Variants in ANGPT1 observed in about 807,000 individuals in gnomAD.
ANGPT1 encodes angiopoietin-1.
A neutral mutation model predicts 62.2 loss-of-function variants in ANGPT1; 17 were observed. The ratio of observed to expected loss-of-function variants is 0.27; its 90% CI spans 0.19 to 0.41. The LOEUF (loss-of-function observed/expected upper bound fraction) is 0.41. Ranked by LOEUF, ANGPT1 falls within the 10% of genes least tolerant of loss-of-function variation. The pLI is 1.00. For missense variants in ANGPT1, 478 were observed against 594.9 expected, an observed-to-expected ratio of 0.80 and a Z score of 2.04; for synonymous variants, 199 against 198.9, an observed-to-expected ratio of 1.00 and a Z score of 0.00.
At chr8:107,405,247 T>G (rs1817125370) in intron 1 of ANGPT1, among the ~76,000 whole-genome samples, 1 of 151,938 alleles carries the variant, frequency 6.6e-6, no homozygotes, top group Non-Finnish European at 1.5e-5. Flanking sequence ...TTATTATATG[T>G]AGAGCTATAT....
chr8:107,472,508 A>C (rs1359781925), intron 1 of ANGPT1, among the ~76,000 whole-genome samples: 1 of 152,140 alleles, frequency 6.6e-6, no homozygotes, highest in Non-Finnish European at 1.5e-5. Context: ...TAAGAAAGGT[A>C]CTTAACGTTT....
intron 1 of ANGPT1, among the ~76,000 whole-genome samples, chr8:107,397,889 T>TA (rs1816966638): frequency 6.6e-6 from 1 of 152,134 alleles, no homozygotes; most frequent in African/African-American, 2.4e-5. Context: ...TCAAATGCCC[T>TA]AAAAAACCTA....
chr8:107,264,138 A>T (rs1813559134), intron 8 of ANGPT1, 83 bp downstream of exon 8: 1 of 1,493,288 alleles, frequency 6.7e-7, no homozygotes, highest in Non-Finnish European at 9.0e-7. Flanking sequence ...TGACCATAAG[A>T]TCATACTCCT....
intron 2 of ANGPT1, among the ~76,000 whole-genome samples, chr8:107,339,442 G>A (rs1363432609): frequency 6.6e-6 from 1 of 152,088 alleles, no homozygotes; most frequent in Non-Finnish European, 1.5e-5. Context: ...ATTTGCACTT[G>A]CAGTTTCCTC....
intron 4 of ANGPT1, among the ~76,000 whole-genome samples, chr8:107,305,461 G>C (rs928235513): frequency 9.2e-5 from 14 of 151,902 alleles, no homozygotes; most frequent in African/African-American, 3.1e-4. Context: ...TCAGGAAGAT[G>C]TTGGTGAAGT....
intron 3 of ANGPT1, among the ~76,000 whole-genome samples, chr8:107,326,910 C>T (rs1433046469): frequency 6.6e-6 from 1 of 152,112 alleles, no homozygotes; most frequent in Non-Finnish European, 1.5e-5. Context: ...AGACATCCCA[C>T]TGCTGTGTCA....
At chr8:107,406,042 CTTG>C (rs1817142028) in intron 1 of ANGPT1, among the ~76,000 whole-genome samples, 1 of 151,640 alleles carries the variant, frequency 6.6e-6, no homozygotes, top group Non-Finnish European at 1.5e-5. Flanking sequence ...CTTCTATGTC[CTTG>C]AAATAATAGG....
In ANGPT1 at chr8:107,259,687, T is replaced by C. The variant is rs893160472; in HGVS notation, c.1336+4534A>G. ...ATTTGTTTTTGTTGTTGGCAACCTT[T>C]AATAATTACAGTTTATGAAAGATTT... On this transcript the variant is annotated intron_variant, in intron 8 of 8. Transcript: ENST00000517746. Among the ~76,000 whole-genome samples the C allele has an allele frequency of 3.3e-5, 5 of 152,260 alleles. No homozygotes were observed. In the South Asian group the frequency reaches 6.2e-4, roughly 19 times the overall value.
intron 1 of ANGPT1, among the ~76,000 whole-genome samples, chr8:107,475,864 T>A (rs1812510218): frequency 6.6e-6 from 1 of 152,076 alleles, no homozygotes; most frequent in African/African-American, 2.4e-5. Flanking sequence ...ATCAGAGAAA[T>A]GCAAATCGAA....
At chr8:107,252,379 TAA>T (rs901079389) in intron 8 of ANGPT1, among the ~76,000 whole-genome samples, 23 of 152,156 alleles carry the variant, frequency 1.5e-4, no homozygotes, top group African/African-American at 5.3e-4. Flanking sequence ...CATATACCCA[TAA>T]GAGGCATTCC....
chr8:107,395,178 C>T (rs1816911635), intron 1 of ANGPT1, among the ~76,000 whole-genome samples: 1 of 152,098 alleles, frequency 6.6e-6, no homozygotes, highest in African/African-American at 2.4e-5. Flanking sequence ...TCATTGAGTA[C>T]TTACAAACTC....
rs796421858 is a variant in ANGPT1 at position 107,298,381 on chromosome 8, T to C, written c.937-4344A>G. ...TAAGCAGAGTAATGATTAAATGGTT[T>C]GTTTTTTGGATGAAACTAGGCATTT... On this transcript the variant is annotated intron_variant, in intron 5 of 8. Coordinates refer to ENST00000517746, the MANE Select transcript of ANGPT1 (RefSeq NM_001146.5). Among the ~76,000 whole-genome samples, 7 of 152,042 alleles carry C rather than the reference T, an allele frequency of 4.6e-5. 1 individual carries two copies. The highest frequency in any genetic ancestry group is 2.1e-4 in the South Asian group (1 of 4,824).
At chr8:107,308,362 A>G (rs1171166551) in intron 4 of ANGPT1, among the ~76,000 whole-genome samples, 7 of 152,170 alleles carry the variant, frequency 4.6e-5, no homozygotes, top group Admixed American at 4.6e-4. Context: ...AAACAATGTG[A>G]CCAGAAATTG....
At chr8:107,475,240 T>G (rs1332069130) in intron 1 of ANGPT1, among the ~76,000 whole-genome samples, 2 of 152,072 alleles carry the variant, frequency 1.3e-5, no homozygotes, top group Non-Finnish European at 2.9e-5. Context: ...AACAGAGATA[T>G]AGGCCAATGG....
chr8:107,340,865 AT>A (rs962722401), intron 2 of ANGPT1, among the ~76,000 whole-genome samples: 12 of 151,120 alleles, frequency 7.9e-5, no homozygotes, highest in East Asian at 1.9e-4. Flanking sequence ...CTTTTGCTTT[AT>A]TTTTTTTTCC....
chr8:107,347,233 G>A lies in ANGPT1; in HGVS notation c.298-136C>T. 1.1e-5 allele frequency: 9 copies of A among 814,248 alleles called. No individual in the cohort carries two copies. The South Asian group carries it at 1.9e-4, about 17-fold the overall frequency. The allele number at this position is 814,248 out of a possible 1,614,324, so 50.4% of individuals were successfully genotyped here. A position where few individuals can be genotyped will look rare whatever the true frequency, so the allele number is the denominator to read the frequency against. ...GCGGGGATCCTCTACATCTCTGGGA[G>A]TTGGAGAAATGGGAGCAGAGCACAC... is the stretch of plus-strand genomic sequence containing the variant. On this transcript the variant is annotated intron_variant, in intron 1 of 8. Coordinates refer to ENST00000517746, the MANE Select transcript of ANGPT1 (RefSeq NM_001146.5).
intron 1 of ANGPT1, among the ~76,000 whole-genome samples, chr8:107,356,323 A>T (rs1386758098): frequency 6.6e-6 from 1 of 152,234 alleles, no homozygotes; most frequent in African/African-American, 2.4e-5. Flanking sequence ...CATACATAAA[A>T]GCAAAAGAAG....
chr8:107,392,795 T>C (rs955758819), intron 1 of ANGPT1, among the ~76,000 whole-genome samples: 8 of 152,332 alleles, frequency 5.3e-5, no homozygotes, highest in African/African-American at 1.9e-4. Flanking sequence ...AATGTAATTT[T>C]ATTCATTCCA....
chr8:107,286,877 T>C (rs1204724164), intron 6 of ANGPT1, among the ~76,000 whole-genome samples: 3 of 152,162 alleles, frequency 2.0e-5, no homozygotes, highest in Non-Finnish European at 2.9e-5. Flanking sequence ...CACATTTTTA[T>C]GGCAGCCAAT....
Sources: gnomAD v4.1 joint callset for allele counts (sites outside exome capture counted in the v4.1 genomes callset) on GRCh38, gnomAD v4.1.1 for gene constraint, MANE v1.5 for transcripts, NCBI Gene and HGNC (gene_info 2026-07-23, HGNC 2026-07-21) for gene names.